The following NCALD variants were observed in gnomAD, a reference collection of about 807,000 sequenced individuals.
NCALD encodes neurocalcin delta.
NCALD carries 10 observed loss-of-function variants against 18.6 expected under a neutral mutation model. The ratio of observed to expected loss-of-function variants is 0.54; its 90% CI spans 0.33 to 0.91. The LOEUF (loss-of-function observed/expected upper bound fraction) is 0.91. Ranked by LOEUF, NCALD falls within the 40% of genes least tolerant of loss-of-function variation. The pLI, the probability that NCALD is intolerant of heterozygous loss-of-function variation, is 0.03. For synonymous variants in NCALD, 88 were observed against 87.4 expected, an observed-to-expected ratio of 1.01 and a Z score of -0.04; for missense variants, 184 against 247.6, an observed-to-expected ratio of 0.74 and a Z score of 1.72.
intron 4 of NCALD, among the ~76,000 whole-genome samples, chr8:101,805,345 G>A (rs796074834): frequency 1.3e-5 from 2 of 152,134 alleles, no homozygotes; most frequent in South Asian, 2.1e-4. Context: ...TCCTTGGAAA[G>A]GTAGGACACC....
At chr8:101,791,494 A>G (rs977442241), upstream of NCALD, among the ~76,000 whole-genome samples, 3 of 152,196 alleles carry the variant, frequency 2.0e-5, no homozygotes, top group Non-Finnish European at 4.4e-5. Context: ...CAGAGTCTAC[A>G]TGGATATACT....
At chr8:102,118,966 G>A (rs1034079145) in intron 1 of NCALD, among the ~76,000 whole-genome samples, 1 of 152,212 alleles carries the variant, frequency 6.6e-6, no homozygotes, top group African/African-American at 2.4e-5. Flanking sequence ...GAATCCTTGT[G>A]CATTGCTGGT....
At chr8:101,814,056 G>C (rs1176555911) in intron 4 of NCALD, among the ~76,000 whole-genome samples, 1 of 151,938 alleles carries the variant, frequency 6.6e-6, no homozygotes, top group Admixed American at 6.6e-5. Context: ...GCCCAAATAG[G>C]TTCACTGGTG....
chr8:101,692,296 T>C, intron 3 of NCALD: 1 of 985,442 alleles, frequency 1.0e-6, no homozygotes, highest in Non-Finnish European at 1.2e-6. Context: ...CCAGTGACTA[T>C]GGGAGCCCAC....
chr8:102,088,555 G>GA (rs201483363), intron 1 of NCALD, among the ~76,000 whole-genome samples: 100 of 139,082 alleles, frequency 7.2e-4, no homozygotes, highest in Admixed American at 6.5e-4. Flanking sequence ...TGTTTTCGGG[G>GA]AAAAAAAAAA....
intron 4 of NCALD, among the ~76,000 whole-genome samples, chr8:101,854,273 T>A (rs536444464): frequency 6.6e-6 from 1 of 152,246 alleles, no homozygotes; most frequent in South Asian, 2.1e-4. Context: ...TGACTGTTGG[T>A]CCCTGCATAC....
intron 1 of NCALD, among the ~76,000 whole-genome samples, chr8:102,113,721 A>C (rs937335743): frequency 1.3e-5 from 2 of 152,204 alleles, no homozygotes; most frequent in African/African-American, 4.8e-5. Flanking sequence ...AAAATGTCCC[A>C]ATGTGAACAA....
At chr8:101,830,532 G>A (rs7842473) in intron 4 of NCALD, among the ~76,000 whole-genome samples, 77,986 of 150,602 alleles carry the variant, frequency 0.52, 22,497 homozygotes, top group Non-Finnish European at 0.66. Flanking sequence ...CTGGGTGACA[G>A]AGCGAGACTC....
intron 2 of NCALD, among the ~76,000 whole-genome samples, chr8:102,004,474 A>G (rs1821614101): frequency 6.6e-6 from 1 of 152,192 alleles, no homozygotes; most frequent in South Asian, 2.1e-4. Context: ...TTATAGATTC[A>G]GTGCCATCCC....
At chr8:101,927,606 G>A (rs537888246) in intron 2 of NCALD, among the ~76,000 whole-genome samples, 8 of 152,246 alleles carry the variant, frequency 5.3e-5, no homozygotes, top group African/African-American at 7.2e-5. Context: ...TCCGACATCC[G>A]CGCAGTGGGT....
chr8:102,007,486 T>G (rs971589253), intron 2 of NCALD, among the ~76,000 whole-genome samples: 1 of 152,218 alleles, frequency 6.6e-6, no homozygotes, highest in East Asian at 1.9e-4. Flanking sequence ...TCTAAAGGAC[T>G]TGGAAAATGT....
intron 2 of NCALD, among the ~76,000 whole-genome samples, chr8:102,008,170 T>C (rs1315514657): frequency 6.6e-6 from 1 of 152,212 alleles, no homozygotes; most frequent in Non-Finnish European, 1.5e-5. Context: ...CTGGCCATTA[T>C]TCTAGTCACT....
At chr8:101,871,980 G>T in intron 4 of NCALD, 1 of 804,082 alleles carries the variant, frequency 1.2e-6, no homozygotes, top group Non-Finnish European at 2.2e-6. Context: ...ACTCATCTCT[G>T]GTCAGGTTCA....
At chr8:101,719,746 A>G (rs1816264516) in intron 1 of NCALD, 98 bp from the exon 2 acceptor site, 6 of 1,150,628 alleles carry the variant, frequency 5.2e-6, no homozygotes, top group Non-Finnish European at 7.2e-6. Flanking sequence ...AGAAAAAACA[A>G]ACAAATAAAC....
At chr8:101,740,427 C>A (rs918515418) in intron 1 of NCALD, among the ~76,000 whole-genome samples, 1 of 152,094 alleles carries the variant, frequency 6.6e-6, no homozygotes, top group African/African-American at 2.4e-5. Context: ...ACGGGCTTAC[C>A]CAAGGTTTTA....
intron 1 of NCALD, among the ~76,000 whole-genome samples, chr8:101,760,443 G>T (rs1811064401): frequency 2.0e-5 from 3 of 152,180 alleles, no homozygotes; most frequent in Admixed American, 2.0e-4. Context: ...ACAACAGGAG[G>T]GGGAAGGGAC....
At chr8:102,016,022 C>A (rs1332154316) in intron 2 of NCALD, among the ~76,000 whole-genome samples, 1 of 152,160 alleles carries the variant, frequency 6.6e-6, no homozygotes, top group Non-Finnish European at 1.5e-5. Context: ...TCCCAAACTT[C>A]ATTTCATATT....
At chr8:102,087,277 A>C (rs1365479507) in intron 1 of NCALD, among the ~76,000 whole-genome samples, 2 of 152,042 alleles carry the variant, frequency 1.3e-5, no homozygotes, top group Non-Finnish European at 2.9e-5. Flanking sequence ...GAAACCCCCC[A>C]ACCCAAAGGC....
At chr8:102,111,835 T>C (rs1295433955) in intron 1 of NCALD, among the ~76,000 whole-genome samples, 1 of 152,166 alleles carries the variant, frequency 6.6e-6, no homozygotes, top group Non-Finnish European at 1.5e-5. Context: ...GATACATACA[T>C]CTTCACAAAA....
Sources: gnomAD v4.1 joint callset for allele counts (sites outside exome capture counted in the v4.1 genomes callset) on GRCh38, gnomAD v4.1.1 for gene constraint, MANE v1.5 for transcripts, NCBI Gene and HGNC (gene_info 2026-07-23, HGNC 2026-07-21) for gene names.